Variants in GREM2 observed in about 807,000 individuals in gnomAD.
GREM2 encodes gremlin 2, DAN family BMP antagonist.
A neutral mutation model predicts 14.2 loss-of-function variants in GREM2; 11 were observed. The ratio of observed to expected loss-of-function variants is 0.78; its 90% CI spans 0.49 to 1.28. The LOEUF (loss-of-function observed/expected upper bound fraction) is 1.28, where lower values mean the gene tolerates loss of function less well. GREM2 is among the 50% of genes most tolerant of loss of function. The probability of loss-of-function intolerance (pLI) is 0.00; values close to 1 mark genes in which losing one functional copy is unlikely to be tolerated. For synonymous variants in GREM2, 98 were observed against 97.6 expected, an observed-to-expected ratio of 1.00 and a Z score of -0.02; for missense variants, 210 against 218.5, an observed-to-expected ratio of 0.96 and a Z score of 0.24.
intron 1 of GREM2, among the ~76,000 whole-genome samples, chr1:240,505,578 G>A (rs575252074): frequency 2.6e-5 from 4 of 151,892 alleles, no homozygotes; most frequent in Admixed American, 1.3e-4. Context: ...TTTTTTCAGT[G>A]TTACTGGGTA....
At chr1:240,495,859 C>T (rs1225571602) in intron 1 of GREM2, among the ~76,000 whole-genome samples, 1 of 152,140 alleles carries the variant, frequency 6.6e-6, no homozygotes, top group Non-Finnish European at 1.5e-5. Context: ...ATCCATGGAA[C>T]GTTTATTCTG....
chr1:240,566,772 AG>A (rs1412722964), intron 1 of GREM2, among the ~76,000 whole-genome samples: 8 of 152,334 alleles, frequency 5.3e-5, no homozygotes, highest in African/African-American at 1.7e-4. Flanking sequence ...AGTACCCAGC[AG>A]GGTCAAATTC....
chr1:240,514,292 G>A (rs995689244), intron 1 of GREM2, among the ~76,000 whole-genome samples: 10 of 147,926 alleles, frequency 6.8e-5, no homozygotes, highest in African/African-American at 2.0e-4. Context: ...TAAAAACAAC[G>A]TGTCACATAT....
At chr1:240,602,981 G>A (rs1679957825) in intron 1 of GREM2, among the ~76,000 whole-genome samples, 1 of 152,130 alleles carries the variant, frequency 6.6e-6, no homozygotes, top group Non-Finnish European at 1.5e-5. Flanking sequence ...GCTGAGGCAG[G>A]AGAATGGCGT....
chr1:240,562,739 A>G (rs200164223), intron 1 of GREM2, among the ~76,000 whole-genome samples: 1 of 145,732 alleles, frequency 6.9e-6, no homozygotes, highest in African/African-American at 2.7e-5. Flanking sequence ...GTGTGTATAT[A>G]TGTGTGCACG....
At chr1:240,583,811 C>T (rs1679537264) in intron 1 of GREM2, among the ~76,000 whole-genome samples, 1 of 152,046 alleles carries the variant, frequency 6.6e-6, no homozygotes, top group African/African-American at 2.4e-5. Flanking sequence ...ACCTTGTTGG[C>T]CAGGATGGTC....
chr1:240,546,259 A>C (rs1306025243), intron 1 of GREM2, among the ~76,000 whole-genome samples: 1 of 152,018 alleles, frequency 6.6e-6, no homozygotes, highest in African/African-American at 2.4e-5. Flanking sequence ...GAATCTCTTA[A>C]ACCTGGGAGG....
At chr1:240,590,835 G>A (rs1326879219) in intron 1 of GREM2, 2 of 151,458 alleles carry the variant, frequency 1.3e-5, no homozygotes, top group South Asian at 2.1e-4. Flanking sequence ...GCCCAGGCTG[G>A]AGTGCAGTGG....
In GREM2 at chr1:240,594,709, C is replaced by T. The variant is rs967140252; in HGVS notation, c.-2+17175G>A. The stretch of plus-strand genomic sequence containing the variant: ...TCAGAGTCAAATATATATATTTATA[C>T]ATGAATATTTATATATATGTATATA... On this transcript the variant is annotated intron_variant, in intron 1 of 1. Transcript: ENST00000318160. 7.9e-5 allele frequency among the ~76,000 whole-genome samples: 12 copies of T among 151,804 alleles called. No homozygotes were observed. The South Asian group carries it at 8.3e-4, about 11-fold the overall frequency.
chr1:240,568,197 G>C (rs957150693), intron 1 of GREM2, among the ~76,000 whole-genome samples: 2 of 152,042 alleles, frequency 1.3e-5, no homozygotes. Flanking sequence ...ATGCCAGAAG[G>C]GATGAAATGA....
At chr1:240,602,788 C>A (rs1034761896) in intron 1 of GREM2, among the ~76,000 whole-genome samples, 1 of 146,342 alleles carries the variant, frequency 6.8e-6, no homozygotes, top group African/African-American at 2.6e-5. Context: ...GCACTCCAGC[C>A]TGGTGACAGA....
At chr1:240,544,361 A>C (rs959619383) in intron 1 of GREM2, among the ~76,000 whole-genome samples, 1 of 152,034 alleles carries the variant, frequency 6.6e-6, no homozygotes, top group African/African-American at 2.4e-5. Context: ...GTTAGCCAGG[A>C]TGGTCTCGAT....
chr1:240,541,725 T>C (rs182433990), intron 1 of GREM2, among the ~76,000 whole-genome samples: 1 of 152,254 alleles, frequency 6.6e-6, no homozygotes, highest in African/African-American at 2.4e-5. Flanking sequence ...TGATGAATTC[T>C]CAAACTGGTT....
At position 240,505,219 on chromosome 1, in the gene GREM2, C is replaced by A. The variant is rs141584274; in HGVS notation, c.-1-11743G>T. ...TCCTGAGGCCTCCCCAGAAGCTGAG[C>A]AGATGACCAACATCATGCGTCCTGT... On this transcript the variant is annotated intron_variant, in intron 1 of 1. Coordinates refer to ENST00000318160, the MANE Select transcript of GREM2 (RefSeq NM_022469.4). Among the ~76,000 whole-genome samples the A allele has an allele frequency of 8.4e-3, 1,278 of 152,274 alleles. 8 individuals are homozygous for A. The highest frequency in any genetic ancestry group is 0.015 in the Non-Finnish European group (992 of 68,020).
intron 1 of GREM2, among the ~76,000 whole-genome samples, chr1:240,512,964 G>A (rs536884414): frequency 6.6e-6 from 1 of 152,096 alleles, no homozygotes; most frequent in Non-Finnish European, 1.5e-5. Context: ...GTGCAGTGGT[G>A]GGTACTAGGA....
intron 1 of GREM2, among the ~76,000 whole-genome samples, chr1:240,497,910 C>T (rs933158819): frequency 5.3e-5 from 8 of 151,988 alleles, no homozygotes; most frequent in African/African-American, 1.5e-4. Context: ...TAATAATTTC[C>T]GAAATTATTA....
intron 1 of GREM2, among the ~76,000 whole-genome samples, chr1:240,535,859 A>G (rs2103320166): frequency 6.6e-6 from 1 of 152,288 alleles, no homozygotes; most frequent in East Asian, 1.9e-4. Context: ...CCCTGAGTAA[A>G]AAGAGAGAAA....
At position 240,492,260 on chromosome 1, in the gene GREM2, C is replaced by G. The variant is rs11587912; in HGVS notation, c.*709G>C. 1 of 445,852 alleles carries G rather than the reference C, an allele frequency of 2.2e-6. No homozygotes were observed. The highest frequency in any genetic ancestry group is 4.5e-6 in the Non-Finnish European group (1 of 220,392). The allele number at this position is 445,852 out of a possible 1,614,324, so 27.6% of individuals were successfully genotyped here. On this transcript the variant is annotated 3_prime_UTR_variant, in exon 2 of 2. Coordinates refer to ENST00000318160, the MANE Select transcript of GREM2 (RefSeq NM_022469.4). The stretch of plus-strand genomic sequence containing the variant: ...TCATCTTTAGTCCACAAATAGGGGG[C>G]GGGGACAGTGAGGAAGAAGAGGCGG...
chr1:240,514,730 C>G (rs1677913741), intron 1 of GREM2, among the ~76,000 whole-genome samples: 1 of 152,178 alleles, frequency 6.6e-6, no homozygotes, highest in South Asian at 2.1e-4. Context: ...GAAACACCAT[C>G]TCTACAAAAA....
Sources: gnomAD v4.1 joint callset for allele counts (sites outside exome capture counted in the v4.1 genomes callset) on GRCh38, gnomAD v4.1.1 for gene constraint, MANE v1.5 for transcripts, NCBI Gene and HGNC (gene_info 2026-07-23, HGNC 2026-07-21) for gene names.